The following RBFOX1 variants were observed in gnomAD, a reference collection of about 807,000 sequenced individuals.
The protein encoded by RBFOX1 is RNA binding fox-1 homolog 1.
RBFOX1 carries 8 observed loss-of-function variants against 57.7 expected under a neutral mutation model. That is an observed-to-expected ratio of 0.14 (90% CI 0.08 to 0.25). RBFOX1 has a LOEUF of 0.25. Among genes scored for constraint, RBFOX1 ranks in the 10% least tolerant of loss-of-function variants. RBFOX1 has a pLI of 1.00. For synonymous variants in RBFOX1, 326 were observed against 222.4 expected, an observed-to-expected ratio of 1.47 and a Z score of -4.15; for missense variants, 611 against 548.5, an observed-to-expected ratio of 1.11 and a Z score of -1.14.
At chr16:6,586,345 A>G (rs576825023) in intron 2 of RBFOX1, among the ~76,000 whole-genome samples, 3 of 152,322 alleles carry the variant, frequency 2.0e-5, no homozygotes, top group South Asian at 2.1e-4. Context: ...TACCTACAAA[A>G]TGAGCAAAAC....
intron 1 of RBFOX1, among the ~76,000 whole-genome samples, chr16:5,452,406 G>C (rs1378309445): frequency 6.6e-6 from 1 of 151,812 alleles, no homozygotes; most frequent in African/African-American, 2.4e-5. Flanking sequence ...ACTACACCCG[G>C]GCTGATTCAT....
chr16:6,398,853 T>C (rs1022215980), intron 2 of RBFOX1, among the ~76,000 whole-genome samples: 1 of 152,222 alleles, frequency 6.6e-6, no homozygotes, highest in Non-Finnish European at 1.5e-5. Flanking sequence ...CCTCTTCTCA[T>C]AGCTTCACTA....
intron 3 of RBFOX1, among the ~76,000 whole-genome samples, chr16:6,818,161 G>A (rs1374006375): frequency 1.3e-5 from 2 of 152,094 alleles, no homozygotes; most frequent in Non-Finnish European, 2.9e-5. Flanking sequence ...AGAGTACCAG[G>A]CATATGGCTT....
At chr16:5,681,104 C>T (rs777990898) in intron 3 of RBFOX1, among the ~76,000 whole-genome samples, 85 of 152,080 alleles carry the variant, frequency 5.6e-4, no homozygotes, top group Non-Finnish European at 7.4e-4. Flanking sequence ...GATGGAGTCT[C>T]GCTCTGTCAC....
At chr16:7,100,617 A>G (rs2062522742) in intron 4 of RBFOX1, among the ~76,000 whole-genome samples, 1 of 128,022 alleles carries the variant, frequency 7.8e-6, no homozygotes, top group African/African-American at 3.0e-5. Context: ...TTATTTACCC[A>G]TTTGCCTACT....
At chr16:7,649,807 C>T (rs2064572444) in intron 11 of RBFOX1, among the ~76,000 whole-genome samples, 2 of 152,272 alleles carry the variant, frequency 1.3e-5, no homozygotes, top group African/African-American at 4.8e-5. Flanking sequence ...AGTAAGCGTC[C>T]TTCTCCTTCA....
intron 4 of RBFOX1, among the ~76,000 whole-genome samples, chr16:5,909,571 A>G (rs1324008623): frequency 6.6e-6 from 1 of 152,174 alleles, no homozygotes; most frequent in African/African-American, 2.4e-5. Context: ...CAGTTGATCC[A>G]TGCAATCTCT....
intron 1 of RBFOX1, among the ~76,000 whole-genome samples, chr16:6,185,381 C>T (rs999345547): frequency 6.6e-6 from 1 of 152,190 alleles, no homozygotes; most frequent in Non-Finnish European, 1.5e-5. Flanking sequence ...TATCCTGTTT[C>T]AAGGCGTTCA....
At chr16:7,525,991 G>T (rs1600881780) in intron 5 of RBFOX1, among the ~76,000 whole-genome samples, 1 of 152,178 alleles carries the variant, frequency 6.6e-6, no homozygotes, top group South Asian at 2.1e-4. Flanking sequence ...TCTGTAGCCT[G>T]TTGGGAACTG....
intron 3 of RBFOX1, among the ~76,000 whole-genome samples, chr16:5,711,946 C>T (rs1454911982): frequency 6.6e-6 from 1 of 152,158 alleles, no homozygotes; most frequent in African/African-American, 2.4e-5. Flanking sequence ...AAAGAAATAT[C>T]CCAGACTGTG....
chr16:6,774,822 C>T (rs6500827), intron 3 of RBFOX1, among the ~76,000 whole-genome samples: 73,651 of 151,608 alleles, frequency 0.49, 18,367 homozygotes, highest in East Asian at 0.65. Flanking sequence ...AGCCATGAGC[C>T]GTATGGGCCT....
chr16:5,591,013 A>C (rs928555020), intron 2 of RBFOX1, among the ~76,000 whole-genome samples: 1 of 151,684 alleles, frequency 6.6e-6, no homozygotes, highest in Non-Finnish European at 1.5e-5. Context: ...ATGTGAGCTA[A>C]ACATTTTTTT....
At chr16:6,725,716 A>G (rs1468126793) in intron 3 of RBFOX1, among the ~76,000 whole-genome samples, 1 of 152,178 alleles carries the variant, frequency 6.6e-6, no homozygotes, top group Non-Finnish European at 1.5e-5. Flanking sequence ...AAAACTCTAT[A>G]TTCAGGGTAG....
chr16:6,831,158 A>C (rs2092682474), intron 3 of RBFOX1, among the ~76,000 whole-genome samples: 1 of 152,174 alleles, frequency 6.6e-6, no homozygotes, highest in Admixed American at 6.5e-5. Context: ...GCTCATTATA[A>C]TTTCATTAGC....
intron 4 of RBFOX1, among the ~76,000 whole-genome samples, chr16:7,412,087 CA>C (rs1729157992): frequency 6.6e-6 from 1 of 151,976 alleles, no homozygotes; most frequent in Non-Finnish European, 1.5e-5. Flanking sequence ...GTGATGTATT[CA>C]TAGTGGTTCC....
Position 7,399,859 on chromosome 16 carries a change from A to G in RBFOX1, c.28-118288A>G, listed in dbSNP as rs189292523. Among the ~76,000 whole-genome samples the G allele has an allele frequency of 9.4e-4, 143 of 152,320 alleles. 2 individuals carry two copies. The highest frequency in any genetic ancestry group is 3.4e-3 in the African/African-American group (141 of 41,582). On this transcript the variant is annotated intron_variant, in intron 4 of 15. Coordinates refer to ENST00000550418, the MANE Select transcript of RBFOX1 (RefSeq NM_018723.4). The stretch of plus-strand genomic sequence containing the variant: ...ACAAAATTCAATCTACTGCCATTTT[A>G]TTGTGAACTATCCTTGCATGGAGAA...
At chr16:6,450,757 ATATATATGTG>A (rs1282390193) in intron 2 of RBFOX1, among the ~76,000 whole-genome samples, 2 of 49,390 alleles carry the variant, frequency 4.0e-5, no homozygotes, top group African/African-American at 9.0e-5. Context: ...ATATATACAT[ATATATATGTG>A]TATATATATA....
At chr16:6,821,914 T>G (rs1031019260) in intron 3 of RBFOX1, among the ~76,000 whole-genome samples, 1 of 152,196 alleles carries the variant, frequency 6.6e-6, no homozygotes, top group Non-Finnish European at 1.5e-5. Flanking sequence ...GGTTTAACCC[T>G]TTGAGGAAAC....
intron 4 of RBFOX1, among the ~76,000 whole-genome samples, chr16:5,987,560 G>A (rs556978722): frequency 2.0e-5 from 3 of 152,126 alleles, no homozygotes; most frequent in African/African-American, 7.2e-5. Flanking sequence ...CGGGGCACAG[G>A]GGCATGTGGG....
Sources: gnomAD v4.1 joint callset for allele counts (sites outside exome capture counted in the v4.1 genomes callset) on GRCh38, gnomAD v4.1.1 for gene constraint, MANE v1.5 for transcripts, NCBI Gene and HGNC (gene_info 2026-07-23, HGNC 2026-07-21) for gene names.